Variants in NCBP3 observed in about 807,000 individuals in gnomAD.
NCBP3 encodes the protein nuclear cap binding subunit 3.
In NCBP3, 20 loss-of-function variants were observed where a neutral mutation model predicts 75.7. The ratio of observed to expected loss-of-function variants is 0.26; its 90% CI spans 0.19 to 0.38. The LOEUF is 0.38. NCBP3 is among the 10% of genes least tolerant of loss of function. NCBP3 has a pLI of 1.00. For missense variants in NCBP3, 678 were observed against 796.9 expected, an observed-to-expected ratio of 0.85 and a Z score of 1.80; for synonymous variants, 293 against 290.5, an observed-to-expected ratio of 1.01 and a Z score of -0.09.
chr17:3,842,623 C>T (rs766073132), intron 2 of NCBP3, among the ~76,000 whole-genome samples: 9 of 152,178 alleles, frequency 5.9e-5, no homozygotes, highest in Non-Finnish European at 1.3e-4. Flanking sequence ...CACACAAATG[C>T]TGCCTGTACC....
chr17:3,813,788 C>G lies in NCBP3; in HGVS notation c.1628-509G>C, dbSNP rs140529983. Among the ~76,000 whole-genome samples, 275 of 152,232 alleles carry G rather than the reference C, an allele frequency of 1.8e-3. 1 individual carries two copies. Among genetic ancestry groups the G allele is most frequent in the African/African-American group, 6.2e-3 (258 of 41,552 alleles). On this transcript the variant is annotated intron_variant, in intron 12 of 12. Coordinates refer to ENST00000389005, the MANE Select transcript of NCBP3 (RefSeq NM_001114118.3). ...AGACAAGGTCTTGCTGTTGCCCAGG[C>G]TGAAGTGCAGTGGTGCAGGCGCCCA...
chr17:3,832,436 C>T lies in NCBP3; in HGVS notation c.356-3068G>A, dbSNP rs1229206191. Among the ~76,000 whole-genome samples, 21 of 117,794 alleles carry T rather than the reference C, an allele frequency of 1.8e-4. 5 individuals carry two copies. Among genetic ancestry groups the T allele is most frequent in the Admixed American group, 1.3e-3 (15 of 11,684 alleles). 77.3% of individuals were successfully genotyped at this position (117,794 alleles called of 152,430 possible). The stretch of plus-strand genomic sequence containing the variant: ...ATCACAAGGTCAGATCGAGACCATC[C>T]TGGCCAACACGGTGAAACCCCGTCT... On this transcript the variant is annotated intron_variant, in intron 3 of 12. Transcript: ENST00000389005.
Position 3,821,359 on chromosome 17 carries a change from G to A in NCBP3, c.897-7C>T, listed in dbSNP as rs2053661488. On this transcript the variant is annotated splice_region_variant and splice_polypyrimidine_tract_variant and intron_variant, in intron 8 of 12. Coordinates refer to ENST00000389005, the MANE Select transcript of NCBP3 (RefSeq NM_001114118.3). Reference sequence around the variant, plus strand: ...GGAATGATATCTTCGCTTCCTGCAAGAATGCCAAAATAAGCACACAATCAA... The same window carrying A: ...GGAATGATATCTTCGCTTCCTGCAAAAATGCCAAAATAAGCACACAATCAA... 1 of 1,609,922 alleles carries A rather than the reference G, an allele frequency of 6.2e-7. No homozygotes were observed. Among genetic ancestry groups the A allele is most frequent in the Non-Finnish European group, 8.5e-7 (1 of 1,176,450 alleles).
intron 3 of NCBP3, among the ~76,000 whole-genome samples, chr17:3,832,640 T>A (rs554266558): frequency 1.2e-3 from 181 of 150,298 alleles, no homozygotes; most frequent in Non-Finnish European, 2.2e-3. Context: ...CAAAAAAAAA[T>A]AAAATAAAAT....
chr17:3,823,185 C>T (rs148564430), intron 7 of NCBP3, among the ~76,000 whole-genome samples: 4,243 of 152,102 alleles, frequency 0.028, 219 homozygotes, highest in African/African-American at 0.098. Context: ...GTGGCATGCA[C>T]CTGTAGTCCC....
chr17:3,825,020 A>C lies in NCBP3; in HGVS notation c.718T>G (p.Ser240Ala), dbSNP rs764312430. ...LDTLSQVEEESLLRNDLRPAN... is the reference protein window; with the variant it reads ...LDTLSQVEEEALLRNDLRPAN... ...GGACGAAGATCGTTTCTTAACAAAG[A>C]CTCCTCTTCTACCTGAGACAACGTA... The change falls in exon 7 of 13, where the codon TCT becomes GCT. Residue 240 changes from serine (S) to alanine (A), a missense_variant. Coordinates refer to ENST00000389005, the MANE Select transcript of NCBP3 (RefSeq NM_001114118.3). 3.2e-6 allele frequency: 5 copies of C among 1,544,858 alleles called. No individual in the cohort carries two copies. Among genetic ancestry groups the C allele is most frequent in the Non-Finnish European group, 8.7e-7 (1 of 1,143,330 alleles).
At chr17:3,831,204 C>G (rs1233557997) in intron 3 of NCBP3, among the ~76,000 whole-genome samples, 1 of 151,216 alleles carries the variant, frequency 6.6e-6, no homozygotes, top group East Asian at 1.9e-4. Context: ...AGCCACCACA[C>G]CCGGCTTTTT....
rs1465755419 is a variant in NCBP3, at chr17:3,825,830, G to C, written c.624C>G (p.Asp208Glu). The stretch of plus-strand genomic sequence containing the variant: ...CTTCAGCTTCATCATCATCTGAACT[G>C]TCTTCCTGCTTGTCTAAAATGGAAT... Reference protein sequence around the residue: ...AEKRKKDKQEDSSDDDEAEEG... With the variant: ...AEKRKKDKQEESSDDDEAEEG... Residue 208 changes from aspartate to glutamate, a missense_variant, in exon 6 of 13, where the codon GAC becomes GAG. Physicochemically the swap from Asp to Glu is conservative, Grantham distance 45 (BLOSUM62 2). Transcript: ENST00000389005. 6.4e-7 allele frequency: 1 copy of C among 1,551,030 alleles called. No homozygotes were observed. The highest frequency in any genetic ancestry group is 8.7e-7 in the Non-Finnish European group (1 of 1,146,724).
intron 7 of NCBP3, 187 bp downstream of exon 7, chr17:3,824,755 A>T: frequency 2.7e-6 from 1 of 366,348 alleles, no homozygotes; most frequent in East Asian, 4.4e-5. Flanking sequence ...CAAATAGTTA[A>T]TATTCACTTT....
At position 3,805,656 on chromosome 17, in the gene NCBP3, TG is replaced by T. The variant is rs1567573744; in HGVS notation, c.*7387del. On this transcript the variant is annotated 3_prime_UTR_variant, in exon 13 of 13. Coordinates refer to ENST00000389005, the MANE Select transcript of NCBP3 (RefSeq NM_001114118.3). ...AGGAAGGGGCTGGGAGGGCGAGGGCTGCACTGGGTGCTGGGACCAAGGGTCC... is the reference window on the plus strand; with the variant it reads ...AGGAAGGGGCTGGGAGGGCGAGGGCTCACTGGGTGCTGGGACCAAGGGTCC... The T allele has an allele frequency of 6.6e-6, 1 of 152,414 alleles. No individual in the cohort carries two copies. Among genetic ancestry groups the T allele is most frequent in the Non-Finnish European group, 1.5e-5 (1 of 68,182 alleles). 9.4% of individuals were successfully genotyped at this position (152,414 alleles called of 1,614,324 possible).
At chr17:3,834,626 T>C (rs2053943288) in intron 3 of NCBP3, among the ~76,000 whole-genome samples, 1 of 152,030 alleles carries the variant, frequency 6.6e-6, no homozygotes, top group Non-Finnish European at 1.5e-5. Context: ...AAATACAAAA[T>C]TAGCCAGGCG....
intron 7 of NCBP3, chr17:3,824,699 C>G (rs2053752211): frequency 4.0e-6 from 1 of 252,062 alleles, no homozygotes; most frequent in Non-Finnish European, 7.6e-6. Context: ...ATGAGGCAAA[C>G]CAGTTTCAAC....
rs1181835275 is a variant in NCBP3, at chr17:3,809,347, T to C, written c.*3697A>G. The C allele has an allele frequency of 6.6e-6, 1 of 151,592 alleles. No homozygotes were observed. Among genetic ancestry groups the C allele is most frequent in the East Asian group, 1.9e-4 (1 of 5,170 alleles). The allele number at this position is 151,592 out of a possible 1,614,324, so 9.4% of individuals were successfully genotyped here. ...CCACTCCTAGGTATATACCCAAGAGTCATGAAAATACCTGTCCCTGCAAAA... is the reference window on the plus strand; with the variant it reads ...CCACTCCTAGGTATATACCCAAGAGCCATGAAAATACCTGTCCCTGCAAAA... On this transcript the variant is annotated 3_prime_UTR_variant, in exon 13 of 13. Coordinates refer to ENST00000389005, the MANE Select transcript of NCBP3 (RefSeq NM_001114118.3).
Position 3,818,532 on chromosome 17 carries a change from T to C in NCBP3, c.1041A>G (p.Glu347=), listed in dbSNP as rs533033648. ...CTTCCTCTTCCTCCTCCTCCTCCTC[T>C]TCCTCCTCTTCAATGGGTTCCTCGG... The part of the protein sequence containing the change: ...NVPEEPIEEE[E]EEEEEEEEEE... Residue 347 remains glutamate (E), a synonymous_variant, in exon 10 of 13, where the codon GAA becomes GAG. Transcript: ENST00000389005. The surrounding 1 kb of genome is among the most constrained non-coding windows in gnomAD (Gnocchi z 4.7). The C allele has an allele frequency of 1.9e-6, 3 of 1,607,836 alleles. No homozygotes were observed. The highest frequency in any genetic ancestry group is 2.2e-5 in the East Asian group (1 of 44,884).
Position 3,818,565 on chromosome 17 carries a change from C to A in NCBP3, c.1008G>T (p.Val336=). Residue 336 remains valine (V), a synonymous_variant, in exon 10 of 13, where the codon GTG becomes GTT. Coordinates refer to ENST00000389005, the MANE Select transcript of NCBP3 (RefSeq NM_001114118.3). The surrounding 1 kb of genome is among the most constrained non-coding windows in gnomAD (Gnocchi z 4.7). The stretch of plus-strand genomic sequence containing the variant: ...CTTCAATGGGTTCCTCGGGAACATT[C>A]ACTAGCCCTGAAGAAATTTAACCAG... The part of the protein sequence containing the change: ...TSYKHRHSGL[V]NVPEEPIEEE... 6.3e-7 allele frequency: 1 copy of A among 1,598,308 alleles called. No individual in the cohort carries two copies. The highest frequency in any genetic ancestry group is 8.5e-7 in the Non-Finnish European group (1 of 1,175,878).
At chr17:3,814,792 C>G (rs544182801) in intron 11 of NCBP3, among the ~76,000 whole-genome samples, 1 of 151,054 alleles carries the variant, frequency 6.6e-6, no homozygotes, top group Non-Finnish European at 1.5e-5. Context: ...TTTCAGCGAA[C>G]AAAAAATCCT....
At chr17:3,817,343 TTC>T (rs986225716) in intron 10 of NCBP3, among the ~76,000 whole-genome samples, 1 of 151,960 alleles carries the variant, frequency 6.6e-6, no homozygotes. Context: ...ATTAAAACCC[TTC>T]TGAGCCCGGG....
intron 1 of NCBP3, among the ~76,000 whole-genome samples, chr17:3,845,296 T>C (rs2054141890): frequency 6.6e-6 from 1 of 152,182 alleles, no homozygotes; most frequent in African/African-American, 2.4e-5. Context: ...TCAAAAGTAA[T>C]TCATGTTAGG....
Position 3,812,898 on chromosome 17 carries a change from T to A in NCBP3, c.*146A>T, listed in dbSNP as rs573197264. On this transcript the variant is annotated 3_prime_UTR_variant, in exon 13 of 13. Coordinates refer to ENST00000389005, the MANE Select transcript of NCBP3 (RefSeq NM_001114118.3). ...TTGAAAATGTGTCACATTCTTAAGATGTCTTGCCGAAGTAGCAAGAGCGGA... is the reference window on the plus strand; with the variant it reads ...TTGAAAATGTGTCACATTCTTAAGAAGTCTTGCCGAAGTAGCAAGAGCGGA... 47 of 1,460,306 alleles carry A rather than the reference T, an allele frequency of 3.2e-5. No homozygotes were observed. The highest frequency in any genetic ancestry group is 4.2e-5 in the Non-Finnish European group (47 of 1,109,752). 90.5% of individuals were successfully genotyped at this position (1,460,306 alleles called of 1,614,324 possible). A position where few individuals can be genotyped will look rare whatever the true frequency, so the allele number is the denominator to read the frequency against.
Sources: gnomAD v4.1 joint callset for allele counts (sites outside exome capture counted in the v4.1 genomes callset) on GRCh38, gnomAD v4.1.1 for gene constraint, Gnocchi (gnomAD v3.1) non-coding constraint, MANE v1.5 for transcripts, NCBI Gene and HGNC (gene_info 2026-07-23, HGNC 2026-07-21) for gene names.